LRP1B: variants seen among roughly 807,000 people sequenced by gnomAD.
LRP1B encodes LDL receptor related protein 1B.
Under a neutral mutation model 556.6 loss-of-function variants are expected in LRP1B, and 217 were observed. The observed-to-expected ratio is 0.39, with a 90% CI of 0.35 to 0.44. The LOEUF is 0.44. Among genes scored for constraint, LRP1B ranks in the 20% least tolerant of loss-of-function variants. The probability of loss-of-function intolerance (pLI) is 1.00; values close to 1 mark genes in which losing one functional copy is unlikely to be tolerated. For missense variants in LRP1B, 5,053 were observed against 5,620.8 expected (o/e 0.90, Z 3.23); for synonymous variants, 2,047 against 1,865.8 (o/e 1.10, Z -2.50).
intron 43 of LRP1B, among the ~76,000 whole-genome samples, chr2:140,569,802 A>C (rs2105102458): frequency 6.6e-6 from 1 of 151,992 alleles, no homozygotes; most frequent in African/African-American, 2.4e-5. Flanking sequence ...GCCACAAAAC[A>C]AATTTCATCA....
intron 1 of LRP1B, among the ~76,000 whole-genome samples, chr2:142,107,794 A>T (rs1179388009): frequency 9.0e-6 from 1 of 110,588 alleles, no homozygotes; most frequent in African/African-American, 3.4e-5. Context: ...CGCCTAGCTA[A>T]TTTTTTTTTT....
At chr2:141,822,092 T>TACACACACACACAC (rs149899299) in intron 1 of LRP1B, among the ~76,000 whole-genome samples, 14 of 112,370 alleles carry the variant, frequency 1.2e-4, no homozygotes, top group African/African-American at 5.1e-4. Context: ...AAAAAATACA[T>TACACACACACACAC]ACACACACAC....
chr2:141,470,033 A>G (rs4401160), intron 3 of LRP1B, among the ~76,000 whole-genome samples: 17,198 of 152,198 alleles, frequency 0.11, 1,198 homozygotes, highest in South Asian at 0.27. Context: ...GCATGTATAG[A>G]AAAAACATAG....
In LRP1B at chr2:141,055,143, A is replaced by G. The variant is rs1400233090; in HGVS notation, c.1525T>C (p.Leu509=). Residue 509 remains leucine (L), a synonymous_variant, in exon 10 of 91, where the codon TTG becomes CTG. Transcript: ENST00000389484. ...RTCRCRTGFN[L]GSDGRSCKRP... is the part of the protein sequence containing the mutation. ...TTGCATGACCTGCCATCACTTCCCA[A>G]GTTGAAGCCAGTCCTGCAGCGACAA... 6.2e-7 allele frequency: 1 copy of G among 1,612,068 alleles called. No individual in the cohort carries two copies. The highest frequency in any genetic ancestry group is 8.5e-7 in the Non-Finnish European group (1 of 1,178,958).
At chr2:140,276,572 C>T (rs1682681287) in intron 84 of LRP1B, among the ~76,000 whole-genome samples, 1 of 151,860 alleles carries the variant, frequency 6.6e-6, no homozygotes, top group Non-Finnish European at 1.5e-5. Context: ...TCATCCAGGA[C>T]AGCCTCCCAT....
intron 32 of LRP1B, 34 bp from the exon 33 acceptor site, chr2:140,776,272 T>C: frequency 7.4e-7 from 1 of 1,359,688 alleles, no homozygotes; most frequent in Non-Finnish European, 9.9e-7. Flanking sequence ...TAAAGGAAAG[T>C]ATAATTATCT....
intron 7 of LRP1B, among the ~76,000 whole-genome samples, chr2:141,161,432 TAAA>T: frequency 6.6e-6 from 1 of 152,228 alleles, no homozygotes; most frequent in South Asian, 2.1e-4. Flanking sequence ...TACATTATTT[TAAA>T]AGAGCTGACA....
intron 17 of LRP1B, among the ~76,000 whole-genome samples, chr2:140,989,275 A>G (rs1166869429): frequency 1.3e-5 from 2 of 152,144 alleles, no homozygotes; most frequent in Admixed American, 1.3e-4. Context: ...AGTCTTGTAC[A>G]AGTAGTGTGT....
chr2:140,394,696 C>T (rs1684175899), intron 66 of LRP1B, among the ~76,000 whole-genome samples: 1 of 152,004 alleles, frequency 6.6e-6, no homozygotes, highest in Non-Finnish European at 1.5e-5. Flanking sequence ...ATATGTCAAG[C>T]TAAGAGGTAA....
intron 1 of LRP1B, among the ~76,000 whole-genome samples, chr2:141,822,128 C>CAGAGAGAGAGAGAGAGAGAGAGAGAG (rs1364248949): frequency 8.5e-6 from 1 of 117,126 alleles, no homozygotes; most frequent in Admixed American, 9.3e-5. Flanking sequence ...CACACACACA[C>CAGAGAGAGAGAGAGAGAGAGAGAGAG]ACAGAGAGAG....
intron 3 of LRP1B, among the ~76,000 whole-genome samples, chr2:141,446,589 T>C (rs1035063747): frequency 3.3e-5 from 5 of 152,184 alleles, no homozygotes; most frequent in Admixed American, 3.3e-4. Context: ...TCAGGAGCTC[T>C]TGTAAGGCAG....
intron 56 of LRP1B, among the ~76,000 whole-genome samples, chr2:140,494,328 G>T (rs1322519529): frequency 6.6e-6 from 1 of 151,938 alleles, no homozygotes; most frequent in East Asian, 1.9e-4. Context: ...TTTGTCCCAG[G>T]TCACTAAATG....
chr2:141,367,063 A>G (rs1353997837), intron 3 of LRP1B, among the ~76,000 whole-genome samples: 3 of 152,190 alleles, frequency 2.0e-5, no homozygotes, highest in African/African-American at 7.2e-5. Context: ...TCCAGCTACT[A>G]AATATAGTGG....
In LRP1B at chr2:141,354,777, T is replaced by TA. The variant is rs766485217; in HGVS notation, c.344-100137dup. On this transcript the variant is annotated intron_variant, in intron 3 of 90. Transcript: ENST00000389484. ...TAAAGTGCAATCAACCCTGCAATTA[T>TA]AAAAAAAAAACTGAAAAAAATTTAA... 2.3e-3 allele frequency among the ~76,000 whole-genome samples: 337 copies of TA among 146,688 alleles called. 2 individuals are homozygous for TA. The highest frequency in any genetic ancestry group is 8.9e-3 in the East Asian group (45 of 5,034).
chr2:141,245,174 A>G (rs1321061861), intron 5 of LRP1B, among the ~76,000 whole-genome samples: 1 of 152,192 alleles, frequency 6.6e-6, no homozygotes, highest in Non-Finnish European at 1.5e-5. Flanking sequence ...CAGAACTCTG[A>G]GTGGTGGCAA....
At chr2:141,827,418 C>T (rs1160596575) in intron 1 of LRP1B, among the ~76,000 whole-genome samples, 2 of 152,120 alleles carry the variant, frequency 1.3e-5, no homozygotes, top group Non-Finnish European at 2.9e-5. Flanking sequence ...CAAAATACTT[C>T]CTCTGTTTGG....
intron 72 of LRP1B, among the ~76,000 whole-genome samples, chr2:140,361,112 T>C (rs1446329903): frequency 6.6e-6 from 1 of 150,886 alleles, no homozygotes; most frequent in Non-Finnish European, 1.5e-5. Flanking sequence ...TGGATACTGC[T>C]CTAAGTACTA....
At position 140,593,727 on chromosome 2, in the gene LRP1B, C is replaced by T. The variant is rs539831281; in HGVS notation, c.7194+4904G>A. On this transcript the variant is annotated intron_variant, in intron 43 of 90. Coordinates refer to ENST00000389484, the MANE Select transcript of LRP1B (RefSeq NM_018557.3). The stretch of plus-strand genomic sequence containing the variant: ...TAAGATAAAACAGAATAATAAAACT[C>T]GACATTCAGTTTGATAGAAAAAAAC... Among the ~76,000 whole-genome samples, 13 of 151,650 alleles carry T rather than the reference C, an allele frequency of 8.6e-5. 1 individual carries two copies. The highest frequency in any genetic ancestry group is 1.9e-4 in the East Asian group (1 of 5,162).
chr2:140,311,636 C>A (rs1266194093), intron 83 of LRP1B, among the ~76,000 whole-genome samples: 1 of 151,774 alleles, frequency 6.6e-6, no homozygotes, highest in African/African-American at 2.4e-5. Context: ...ATCCATGTAA[C>A]AAAACTGCAC....
Sources: allele counts gnomAD v4.1 joint callset (sites outside exome capture counted in the v4.1 genomes callset), GRCh38; gene constraint gnomAD v4.1.1; transcripts MANE v1.5; gene names NCBI Gene and HGNC (gene_info 2026-07-23, HGNC 2026-07-21).